COX7A2L: variants seen among roughly 807,000 people sequenced by gnomAD.
COX7A2L encodes cytochrome c oxidase subunit 7A2-like, mitochondrial.
Under a neutral mutation model 14.2 loss-of-function variants are expected in COX7A2L, and 18 were observed. That is an observed-to-expected ratio of 1.27 (90% CI 0.88 to 1.88). The LOEUF (loss-of-function observed/expected upper bound fraction) is 1.88, where lower values mean the gene tolerates loss of function less well. Ranked by LOEUF, COX7A2L falls within the 40% of genes most tolerant of loss-of-function variation. COX7A2L has a pLI of 0.00. For missense variants in COX7A2L, 179 were observed against 138.8 expected, an observed-to-expected ratio of 1.29 and a Z score of -1.46; for synonymous variants, 65 against 57.4, an observed-to-expected ratio of 1.13 and a Z score of -0.60.
chr2:42,361,424 G>GT, upstream of COX7A2L: 1 of 414,994 alleles, frequency 2.4e-6, no homozygotes, highest in East Asian at 4.7e-5. Flanking sequence ...GAAATATGAA[G>GT]TTCCCTCTTT....
intron 1 of COX7A2L, among the ~76,000 whole-genome samples, chr2:42,367,276 C>T (rs185214353): frequency 3.2e-4 from 48 of 152,292 alleles, no homozygotes; most frequent in Non-Finnish European, 1.9e-4. Flanking sequence ...GAATAAGTTA[C>T]TTCCCCACTC....
At position 42,353,300 on chromosome 2, in the gene COX7A2L, A is replaced by G; in HGVS notation, c.116T>C (p.Phe39Ser). The change falls in exon 2 of 3, where the codon TTT becomes TCT. Residue 39 changes from phenylalanine (F) to serine (S), a missense_variant. Phe to Ser is a radical substitution (Grantham distance 155). Transcript: ENST00000234301. ...VVSTEAPPIIFATPTKLTSDS... is the reference protein window; with the variant it reads ...VVSTEAPPIISATPTKLTSDS... The stretch of plus-strand genomic sequence containing the variant: ...GGAGGTCAGTTTAGTTGGTGTGGCA[A>G]ATATGATAGGTGGTGCTTCTGTGGA... 3 of 1,614,152 alleles carry G rather than the reference A, an allele frequency of 1.9e-6. No homozygotes were observed. The highest frequency in any genetic ancestry group is 2.5e-6 in the Non-Finnish European group (3 of 1,180,006).
intron 2 of COX7A2L, among the ~76,000 whole-genome samples, chr2:42,344,181 TA>T (rs2103877817): frequency 6.6e-6 from 1 of 152,380 alleles, no homozygotes; most frequent in East Asian, 1.9e-4. Context: ...TCTATTGTTA[TA>T]AATATTAGCT....
In COX7A2L at chr2:42,342,651, C is replaced by G. The variant is rs1372908311; in HGVS notation, c.193-8782G>C. On this transcript the variant is annotated intron_variant, in intron 2 of 2. Coordinates refer to the COX7A2L transcript ENST00000468711. This position sits in a 1 kb window ranked among gnomAD's most constrained non-coding sequence, Gnocchi z 4.9. ...GCAGTGTAGAGACCTGTGCTTTGGC[C>G]CTGAGGCACAGCCATGTGACCATGA... Among the ~76,000 whole-genome samples the G allele has an allele frequency of 6.6e-6, 1 of 152,036 alleles. No homozygotes were observed. Among genetic ancestry groups the G allele is most frequent in the Non-Finnish European group, 1.5e-5 (1 of 68,014 alleles).
At chr2:42,357,597 C>T (rs939015089) in intron 1 of COX7A2L, among the ~76,000 whole-genome samples, 1 of 152,068 alleles carries the variant, frequency 6.6e-6, no homozygotes, top group Non-Finnish European at 1.5e-5. Context: ...CCAGTGTGAG[C>T]CACCGCACCT....
rs943704588 is a variant in COX7A2L, at chr2:42,349,735, T to A, written c.*1484A>T. ...AGTATTGTTATAAATGTTAACTTTA[T>A]TGAGTCTGACAACTGCATTATGGTT... On this transcript the variant is annotated 3_prime_UTR_variant, in exon 3 of 3. Transcript: ENST00000234301. 1 of 152,210 alleles carries A rather than the reference T, an allele frequency of 6.6e-6. No individual in the cohort carries two copies. Among genetic ancestry groups the A allele is most frequent in the Admixed American group, 6.5e-5 (1 of 15,276 alleles). The allele number at this position is 152,210 out of a possible 1,614,324, so 9.4% of individuals were successfully genotyped here. A position where few individuals can be genotyped will look rare whatever the true frequency, so the allele number is the denominator to read the frequency against.
chr2:42,366,801 T>C (rs890846925), intron 1 of COX7A2L, among the ~76,000 whole-genome samples: 4 of 152,190 alleles, frequency 2.6e-5, no homozygotes, highest in African/African-American at 4.8e-5. Context: ...ATCTCTCCAT[T>C]TCCCCAGCCC....
At chr2:42,354,492 G>T (rs1670756976) in intron 1 of COX7A2L, among the ~76,000 whole-genome samples, 1 of 152,120 alleles carries the variant, frequency 6.6e-6, no homozygotes, top group Non-Finnish European at 1.5e-5. Context: ...TACAGACAAA[G>T]AAGGAAACCT....
upstream of COX7A2L, among the ~76,000 whole-genome samples, chr2:42,366,144 G>A (rs1009235620): frequency 6.6e-5 from 10 of 152,056 alleles, no homozygotes; most frequent in African/African-American, 2.4e-4. Flanking sequence ...CAAAACAAGG[G>A]GCGGGCTGGG....
rs1413753830 is a variant in COX7A2L, at chr2:42,350,100, T to C, written c.*1119A>G. The stretch of plus-strand genomic sequence containing the variant: ...GAGAGATATCACTGCAAGGCTACTA[T>C]TGAGTATTTTCAAATCACCACATCT... On this transcript the variant is annotated 3_prime_UTR_variant, in exon 3 of 3. Coordinates refer to ENST00000234301, the MANE Select transcript of COX7A2L (RefSeq NM_004718.4). 2.6e-5 allele frequency: 4 copies of C among 152,180 alleles called. No individual in the cohort carries two copies. The highest frequency in any genetic ancestry group is 4.4e-5 in the Non-Finnish European group (3 of 68,026). The allele number at this position is 152,180 out of a possible 1,614,324, so 9.4% of individuals were successfully genotyped here. A position where few individuals can be genotyped will look rare whatever the true frequency, so the allele number is the denominator to read the frequency against.
rs1340074440 is a variant in COX7A2L at position 42,338,012 on chromosome 2, G to A, written c.193-4143C>T. Among the ~76,000 whole-genome samples the A allele has an allele frequency of 1.3e-5, 2 of 152,192 alleles. No individual in the cohort carries two copies. The highest frequency in any genetic ancestry group is 4.8e-5 in the African/African-American group (2 of 41,456). ...CCATGAGGGAAGCCTAGGCGAGGGA[G>A]GGTGTCAGTCTGGGGTATGACTGTG... is the stretch of plus-strand genomic sequence containing the variant. On this transcript the variant is annotated intron_variant, in intron 2 of 2. Coordinates refer to the COX7A2L transcript ENST00000468711. The surrounding 1 kb of genome is among the most constrained non-coding windows in gnomAD (Gnocchi z 4.4).
chr2:42,347,910 A>T (rs542235822), downstream of COX7A2L, among the ~76,000 whole-genome samples: 1 of 152,180 alleles, frequency 6.6e-6, no homozygotes, highest in Non-Finnish European at 1.5e-5. Context: ...AACAAGAGCG[A>T]AACTCCATCT....
chr2:42,356,096 C>A (rs773848030), intron 1 of COX7A2L, among the ~76,000 whole-genome samples: 2 of 152,100 alleles, frequency 1.3e-5, no homozygotes, highest in Non-Finnish European at 2.9e-5. Context: ...GTGGCGTGAT[C>A]CTGGCTCAGG....
intron 1 of COX7A2L, 100 bp downstream of exon 1, chr2:42,360,990 C>T: frequency 7.8e-7 from 1 of 1,289,284 alleles, no homozygotes; most frequent in South Asian, 1.2e-5. Context: ...CGAACTCGAC[C>T]GCGGGCAGAA....
upstream of COX7A2L, among the ~76,000 whole-genome samples, chr2:42,364,457 C>T (rs1308941739): frequency 6.6e-6 from 1 of 152,056 alleles, no homozygotes; most frequent in Non-Finnish European, 1.5e-5. Context: ...TCTACTCTCT[C>T]TTTTTACATT....
At chr2:42,344,850 C>CAAA (rs761952104), downstream of COX7A2L, among the ~76,000 whole-genome samples, 1 of 106,124 alleles carries the variant, frequency 9.4e-6, no homozygotes, top group East Asian at 2.6e-4. Context: ...GACTCCGCCT[C>CAAA]AAAAAAAAAA....
rs1226377168 is a variant in COX7A2L at position 42,338,442 on chromosome 2, G to C, written c.193-4573C>G. Among the ~76,000 whole-genome samples, 1 of 152,332 alleles carries C rather than the reference G, an allele frequency of 6.6e-6. No individual in the cohort carries two copies. Among genetic ancestry groups the C allele is most frequent in the East Asian group, 1.9e-4 (1 of 5,182 alleles). Reference sequence around the variant, plus strand: ...TGAGGTGACCAGGCTTTCTCCGAGAGCGACAGGCCCCAGCTATGCTGGCAA... The same window carrying C: ...TGAGGTGACCAGGCTTTCTCCGAGACCGACAGGCCCCAGCTATGCTGGCAA... On this transcript the variant is annotated intron_variant, in intron 2 of 2. Transcript: ENST00000468711. The surrounding 1 kb of genome is among the most constrained non-coding windows in gnomAD (Gnocchi z 4.4).
intron 1 of COX7A2L, among the ~76,000 whole-genome samples, chr2:42,353,685 T>C (rs1045158563): frequency 2.6e-5 from 4 of 152,226 alleles, no homozygotes; most frequent in Admixed American, 1.3e-4. Context: ...TAACATGGAA[T>C]GTCTAACCCC....
chr2:42,353,492 G>A (rs971912222), intron 1 of COX7A2L, 149 bp from the exon 2 acceptor site: 12 of 1,016,286 alleles, frequency 1.2e-5, no homozygotes, highest in African/African-American at 8.3e-5. Context: ...TTGCCATTAC[G>A]ATTGCAGGGG....
Sources: gnomAD v4.1 joint callset for allele counts (sites outside exome capture counted in the v4.1 genomes callset) on GRCh38, gnomAD v4.1.1 for gene constraint, Gnocchi (gnomAD v3.1) non-coding constraint, MANE v1.5 for transcripts, NCBI Gene and HGNC (gene_info 2026-07-23, HGNC 2026-07-21) for gene names.